The following HDAC9 variants were observed in gnomAD, a reference collection of about 807,000 sequenced individuals.
The protein encoded by HDAC9 is MEF-2 interacting transcription repressor (MITR) protein.
A neutral mutation model predicts 139.4 loss-of-function variants in HDAC9; 41 were observed. That is an observed-to-expected ratio of 0.29 (90% CI 0.23 to 0.38). HDAC9 has a LOEUF of 0.38. Among genes scored for constraint, HDAC9 ranks in the 10% least tolerant of loss-of-function variants. The pLI is 1.00. For synonymous variants in HDAC9, 517 were observed against 476.2 expected (o/e 1.09, Z -1.12); for missense variants, 1,147 against 1,297.0 (o/e 0.88, Z 1.78).
In HDAC9 at chr7:18,568,105, A is replaced by T. The variant is rs1583481071; in HGVS notation, c.23-17176A>T. On this transcript the variant is annotated intron_variant, in intron 2 of 25. Transcript: ENST00000686413. Reference sequence around the variant, plus strand: ...CTGCACAGATTGGAACAGTCTATGTATGTCTTTCGCTATAATTTATTAAAA... The same window carrying T: ...CTGCACAGATTGGAACAGTCTATGTTTGTCTTTCGCTATAATTTATTAAAA... Among the ~76,000 whole-genome samples, 5 of 148,614 alleles carry T rather than the reference A, an allele frequency of 3.4e-5. No individual in the cohort carries two copies. The Admixed American group carries it at 3.4e-4, about 10-fold the overall frequency.
At position 18,829,230 on chromosome 7, in the gene HDAC9, A is replaced by G. The variant is rs377524182; in HGVS notation, c.2378+14A>G. ...ATCCACAGCCATGTAAGTACCAGGGACTGTTGCCCATCTCCAAGCACCACG... is the reference window on the plus strand; with the variant it reads ...ATCCACAGCCATGTAAGTACCAGGGGCTGTTGCCCATCTCCAAGCACCACG... On this transcript the variant is annotated intron_variant, in intron 18 of 25. Transcript: ENST00000686413. 6.2e-7 allele frequency: 1 copy of G among 1,601,672 alleles called. No homozygotes were observed.
At chr7:18,533,850 A>C (rs1199417485) in intron 2 of HDAC9, among the ~76,000 whole-genome samples, 1 of 152,046 alleles carries the variant, frequency 6.6e-6, no homozygotes, top group Non-Finnish European at 1.5e-5. Flanking sequence ...TTTCAGGTAG[A>C]TTTAGTTCAC....
At chr7:18,823,183 G>T (rs954698688) in intron 17 of HDAC9, among the ~76,000 whole-genome samples, 40 of 152,078 alleles carry the variant, frequency 2.6e-4, no homozygotes, top group African/African-American at 9.7e-4. Flanking sequence ...GGGGTAGGTG[G>T]GTAGAATTTC....
chr7:18,923,639 G>T (rs1371617350), intron 22 of HDAC9, among the ~76,000 whole-genome samples: 1 of 151,914 alleles, frequency 6.6e-6, no homozygotes, highest in Non-Finnish European at 1.5e-5. Flanking sequence ...AAATGTCACC[G>T]CCTTACCCGA....
At chr7:18,458,801 A>T in intron 1 of HDAC9, 2 of 1,404,008 alleles carry the variant, frequency 1.4e-6, no homozygotes, top group Non-Finnish European at 1.9e-6. Context: ...ACTCCCATGG[A>T]GGGTCCTTCC....
chr7:18,212,533 G>A (rs1025077748), intron 2 of HDAC9, among the ~76,000 whole-genome samples: 2 of 152,140 alleles, frequency 1.3e-5, no homozygotes, highest in Non-Finnish European at 2.9e-5. Flanking sequence ...CATTTAATAT[G>A]TTATTTAGCC....
At chr7:18,980,372 C>T (rs1287847364) in intron 25 of HDAC9, among the ~76,000 whole-genome samples, 1 of 152,184 alleles carries the variant, frequency 6.6e-6, no homozygotes, top group East Asian at 1.9e-4. Context: ...CTCCTTCAAT[C>T]CTATCCTCTT....
chr7:18,950,011 T>C (rs1299676514), intron 23 of HDAC9, among the ~76,000 whole-genome samples: 2 of 152,072 alleles, frequency 1.3e-5, no homozygotes, highest in African/African-American at 4.8e-5. Flanking sequence ...GTAGAATATT[T>C]TTAGAGAAGT....
At chr7:18,713,865 A>G (rs1784516457) in intron 12 of HDAC9, among the ~76,000 whole-genome samples, 1 of 151,914 alleles carries the variant, frequency 6.6e-6, no homozygotes, top group Non-Finnish European at 1.5e-5. Flanking sequence ...TTGGCTCAAT[A>G]ACACCTTGTT....
intron 1 of HDAC9, among the ~76,000 whole-genome samples, chr7:18,354,722 C>G (rs1195478244): frequency 6.6e-6 from 1 of 152,154 alleles, no homozygotes; most frequent in African/African-American, 2.4e-5. Context: ...CCTCCACTTT[C>G]CCTTTGCCTT....
At position 19,001,128 on chromosome 7, in the gene HDAC9, C is replaced by A. The variant is rs1474682704; in HGVS notation, c.*5066C>A. ...TCAAACATAGTTTGCCATCATCTGGCTACTACCTAATCATGTTGTACTAGT... is the reference window on the plus strand; with the variant it reads ...TCAAACATAGTTTGCCATCATCTGGATACTACCTAATCATGTTGTACTAGT... On this transcript the variant is annotated 3_prime_UTR_variant, in exon 26 of 26. Coordinates refer to ENST00000686413, the MANE Select transcript of HDAC9 (RefSeq NM_178425.4). The A allele has an allele frequency of 6.6e-6, 1 of 152,106 alleles. No individual in the cohort carries two copies. Among genetic ancestry groups the A allele is most frequent in the African/African-American group, 2.4e-5 (1 of 41,422 alleles). The allele number at this position is 152,106 out of a possible 1,614,324, so 9.4% of individuals were successfully genotyped here.
At chr7:18,184,515 T>A (rs193014212) in intron 2 of HDAC9, among the ~76,000 whole-genome samples, 4 of 152,338 alleles carry the variant, frequency 2.6e-5, no homozygotes, top group Admixed American at 2.6e-4. Flanking sequence ...GTAATTTTAT[T>A]CAATATTTTA....
chr7:18,249,523 A>C (rs1409026371), intron 2 of HDAC9, among the ~76,000 whole-genome samples: 3 of 55,370 alleles, frequency 5.4e-5, no homozygotes, highest in East Asian at 1.3e-3. Context: ...AAAAAAAAAA[A>C]CAAAAAAAAA....
At chr7:18,932,880 G>GAAAGAAAGAAAGAAAGAAA (rs1554405266) in intron 22 of HDAC9, among the ~76,000 whole-genome samples, 6 of 151,688 alleles carry the variant, frequency 4.0e-5, no homozygotes, top group Admixed American at 6.6e-5. Context: ...AAGAAAGAAA[G>GAAAGAAAGAAAGAAAGAAA]GATGTCCTGA....
chr7:18,648,769 T>A (rs1212857258), intron 11 of HDAC9, 86 bp downstream of exon 11: 10 of 1,139,492 alleles, frequency 8.8e-6, no homozygotes, highest in Non-Finnish European at 1.1e-5. Flanking sequence ...CTAAGAGGAA[T>A]GTTGATGGGA....
intron 25 of HDAC9, among the ~76,000 whole-genome samples, chr7:18,993,251 T>G (rs1024602934): frequency 7.0e-6 from 1 of 143,840 alleles, no homozygotes; most frequent in Non-Finnish European, 1.5e-5. Flanking sequence ...TATTTTACAA[T>G]TGTTTCACAC....
At chr7:18,869,961 G>A (rs1798793251) in intron 21 of HDAC9, among the ~76,000 whole-genome samples, 1 of 151,136 alleles carries the variant, frequency 6.6e-6, no homozygotes, top group Non-Finnish European at 1.5e-5. Flanking sequence ...TGATAGCAAT[G>A]GTCCTTACCC....
At chr7:18,680,568 G>C (rs191662789) in intron 12 of HDAC9, among the ~76,000 whole-genome samples, 41 of 152,068 alleles carry the variant, frequency 2.7e-4, no homozygotes, top group African/African-American at 9.9e-4. Context: ...TTCAGGCCCA[G>C]GGAGGTTATG....
rs1278174958 is a variant in HDAC9 at position 18,748,617 on chromosome 7, A to T, written c.1910-388A>T. On this transcript the variant is annotated intron_variant, in intron 13 of 25. Transcript: ENST00000686413. ...AGAGACAGCTTGTTTAGTGGCTCCA[A>T]TGGTGTGGTGAAATTAAAACCTCTA... is the stretch of plus-strand genomic sequence containing the variant. Among the ~76,000 whole-genome samples the T allele has an allele frequency of 2.0e-5, 3 of 152,208 alleles. No individual in the cohort carries two copies. In the East Asian group the frequency reaches 5.8e-4, roughly 29 times the overall value.
Sources: gnomAD v4.1 joint callset for allele counts (sites outside exome capture counted in the v4.1 genomes callset) on GRCh38, gnomAD v4.1.1 for gene constraint, MANE v1.5 for transcripts, NCBI Gene and HGNC (gene_info 2026-07-23, HGNC 2026-07-21) for gene names.